The following CASKIN1 variants were observed in gnomAD, a reference collection of about 807,000 sequenced individuals.
CASKIN1 encodes CASK interacting protein 1, also known as caskin-1.
CASKIN1 carries 42 observed loss-of-function variants against 117.5 expected under a neutral mutation model. That is an observed-to-expected ratio of 0.36 (90% CI 0.28 to 0.46). The LOEUF (loss-of-function observed/expected upper bound fraction) is 0.46, where lower values mean the gene tolerates loss of function less well. CASKIN1 is among the 20% of genes least tolerant of loss of function. The pLI is 1.00. For missense variants in CASKIN1, 2,083 were observed against 2,077.3 expected (o/e 1.00, Z -0.05); for synonymous variants, 1,148 against 961.7 (o/e 1.19, Z -3.59).
In CASKIN1 at chr16:2,190,950, G is replaced by GGCTGCCT. The variant is rs1158581271; in HGVS notation, c.95-599_95-593dup. Among the ~76,000 whole-genome samples, 4 of 152,184 alleles carry GGCTGCCT rather than the reference G, an allele frequency of 2.6e-5. No homozygotes were observed. In the East Asian group the frequency reaches 7.7e-4, roughly 29 times the overall value. Reference sequence around the variant, plus strand: ...CACCTCTGAGCAACCTCACGCGAACGGCTGCCTGCTCCCTGGCGACTCGGA... The same window carrying GGCTGCCT: ...CACCTCTGAGCAACCTCACGCGAACGGCTGCCTGCTGCCTGCTCCCTGGCGACTCGGA... On this transcript the variant is annotated intron_variant, in intron 1 of 19. Coordinates refer to ENST00000343516, the MANE Select transcript of CASKIN1 (RefSeq NM_020764.4).
chr16:2,184,183 AG>A (rs1365523518), intron 14 of CASKIN1, among the ~76,000 whole-genome samples: 2 of 105,224 alleles, frequency 1.9e-5, no homozygotes, highest in Admixed American at 8.6e-5. Context: ...CGGTGGGGGG[AG>A]GGGGGCGGGG....
rs370096215 is a variant in CASKIN1, at chr16:2,183,821, G to A, written c.1527+10C>T. The A allele has an allele frequency of 4.3e-6, 7 of 1,612,122 alleles. No individual in the cohort carries two copies. In the Admixed American group the frequency reaches 6.7e-5, roughly 15 times the overall value. ...ACGCAGCTGGCGCTGGCGGCGCATGGAAAGCTCACCTCGGGAGTCATGCGG... is the reference window on the plus strand; with the variant it reads ...ACGCAGCTGGCGCTGGCGGCGCATGAAAAGCTCACCTCGGGAGTCATGCGG... On this transcript the variant is annotated intron_variant, in intron 15 of 19. Transcript: ENST00000343516.
intron 1 of CASKIN1, among the ~76,000 whole-genome samples, chr16:2,195,978 G>C (rs1274894645): frequency 6.6e-6 from 1 of 151,926 alleles, no homozygotes; most frequent in Non-Finnish European, 1.5e-5. Flanking sequence ...GTGGGTGGGG[G>C]GGGCATCCGC....
intron 19 of CASKIN1, 91 bp downstream of exon 19, chr16:2,178,811 C>A: frequency 1.5e-6 from 2 of 1,321,598 alleles, no homozygotes; most frequent in Middle Eastern, 2.8e-4. Flanking sequence ...GAGCCCCGCC[C>A]ATCTCTGCCG....
chr16:2,180,422 C>G lies in CASKIN1; in HGVS notation c.2946G>C (p.Gln982His). 6.4e-7 allele frequency: 1 copy of G among 1,571,200 alleles called. No individual in the cohort carries two copies. The highest frequency in any genetic ancestry group is 1.1e-5 in the South Asian group (1 of 87,354). The part of the protein sequence containing the change: ...PEDGLLGVRA[Q>H]CRRASDLAGS... Reference sequence around the variant, plus strand: ...CGGCCAGGTCACTGGCCCGCCGGCACTGTGCCCGGACCCCCAGCAGGCCAT... The same window carrying G: ...CGGCCAGGTCACTGGCCCGCCGGCAGTGTGCCCGGACCCCCAGCAGGCCAT... Residue 982 changes from glutamine (Q) to histidine (H), a missense_variant, in exon 18 of 20, where the codon CAG becomes CAC. Gln to His is a conservative substitution (Grantham distance 24). This residue lies in a region of CASKIN1 where 1,818 missense variants were observed against 1,688.9 expected (regional missense o/e 1.08). Coordinates refer to ENST00000343516, the MANE Select transcript of CASKIN1 (RefSeq NM_020764.4).
intron 10 of CASKIN1, 141 bp downstream of exon 10, chr16:2,186,566 A>G: frequency 1.5e-6 from 1 of 664,486 alleles, no homozygotes; most frequent in East Asian, 2.7e-5. Flanking sequence ...CCGCTGGGGC[A>G]CCCTGATGCT....
chr16:2,178,959 G>A lies in CASKIN1; in HGVS notation c.4142C>T (p.Ala1381Val), dbSNP rs2093156116. ...CTCCTCCACCGCCTGCAGCGCCGCGGCCAGGCACGCGCTTGTCTCCTCCAG... is the reference window on the plus strand; with the variant it reads ...CTCCTCCACCGCCTGCAGCGCCGCGACCAGGCACGCGCTTGTCTCCTCCAG... ...QKLEETSACL[A>V]AALQAVEEKI... Residue 1381 changes from alanine (A) to valine (V), a missense_variant, in exon 19 of 20, where the codon GCC (alanine) becomes GTC (valine). Physicochemically the swap from Ala to Val is moderately conservative, Grantham distance 64. Around this residue, in one of 3 missense-constraint regions of CASKIN1, gnomAD observed 1,818 missense variants for 1,688.9 expected, o/e 1.08. Coordinates refer to ENST00000343516, the MANE Select transcript of CASKIN1 (RefSeq NM_020764.4). The A allele has an allele frequency of 4.7e-6, 7 of 1,482,926 alleles. No individual in the cohort carries two copies. Among genetic ancestry groups the A allele is most frequent in the African/African-American group, 1.5e-5 (1 of 68,566 alleles). The allele number at this position is 1,482,926 out of a possible 1,614,324, so 91.9% of individuals were successfully genotyped here.
At position 2,196,512 on chromosome 16, in the gene CASKIN1, GGCCGCCTCCCCCGCCGCCTCCCCC is replaced by G. The variant is rs959705260; in HGVS notation, c.-104_-81del. ...GAGGCGGCGGCGGCCCCGCGGCACC[GGCCGCCTCCCCCGCCGCCTCCCCC>G]GCCGCCTCCTCGCCGCCCGCCGCCC... On this transcript the variant is annotated 5_prime_UTR_variant, in exon 1 of 20. Coordinates refer to ENST00000343516, the MANE Select transcript of CASKIN1 (RefSeq NM_020764.4). The surrounding 1 kb of genome is among the most constrained non-coding windows in gnomAD (Gnocchi z 5.7). The G allele has an allele frequency of 1.2e-4, 71 of 611,878 alleles. No individual in the cohort carries two copies. Among genetic ancestry groups the G allele is most frequent in the Middle Eastern group, 7.9e-4 (1 of 1,272 alleles). The allele number at this position is 611,878 out of a possible 1,614,324, so 37.9% of individuals were successfully genotyped here.
rs1170161481 is a variant in CASKIN1, at chr16:2,178,629, T to C, written c.4217A>G (p.Lys1406Arg). ...GTCGTCCAGGATGCTGCCAGTGCTCTTTTCCGCCGCCGAGTCGCTGCGGGG... is the reference window on the plus strand; with the variant it reads ...GTCGTCCAGGATGCTGCCAGTGCTCCTTTCCGCCGCCGAGTCGCTGCGGGG... ...AQGPRDSAAE[K>R]STGSILDDIG... Residue 1406 changes from lysine to arginine, a missense_variant, in exon 20 of 20, where the codon AAG becomes AGG. Lys to Arg is a conservative substitution (Grantham distance 26). Coordinates refer to ENST00000343516, the MANE Select transcript of CASKIN1 (RefSeq NM_020764.4). The C allele has an allele frequency of 1.9e-6, 3 of 1,593,582 alleles. No individual in the cohort carries two copies. Among genetic ancestry groups the C allele is most frequent in the Non-Finnish European group, 2.6e-6 (3 of 1,175,134 alleles).
rs181378400 is a variant in CASKIN1 at position 2,180,804 on chromosome 16, G to A, written c.2564C>T (p.Pro855Leu). The A allele has an allele frequency of 1.3e-3, 1,756 of 1,399,496 alleles. 24 individuals carry two copies. The African/African-American group carries it at 0.024, about 19-fold the overall frequency. 86.7% of individuals were successfully genotyped at this position (1,399,496 alleles called of 1,614,324 possible). Residue 855 changes from proline to leucine, a missense_variant, in exon 18 of 20, where the codon CCC (proline) becomes CTC (leucine). Pro to Leu is a moderately conservative substitution (Grantham distance 98). Coordinates refer to ENST00000343516, the MANE Select transcript of CASKIN1 (RefSeq NM_020764.4). ...CAGTGTGGGCACAGCCGTCGGCACG[G>A]GTGGGGGCGCAGGCCCCGGGGCAGC... is the stretch of plus-strand genomic sequence containing the variant. ...GPAAPGPAPP[P>L]VPTAVPTLCL...
chr16:2,190,872 T>G (rs1051593558), intron 1 of CASKIN1, among the ~76,000 whole-genome samples: 1 of 152,214 alleles, frequency 6.6e-6, no homozygotes, highest in African/African-American at 2.4e-5. Flanking sequence ...CTGCCAGCCC[T>G]GGGCCACAGC....
chr16:2,181,561 C>T lies in CASKIN1; in HGVS notation c.1807G>A (p.Ala603Thr). 1 of 1,582,870 alleles carries T rather than the reference C, an allele frequency of 6.3e-7. No homozygotes were observed. The highest frequency in any genetic ancestry group is 8.6e-7 in the Non-Finnish European group (1 of 1,166,396). The change falls in exon 18 of 20, where the codon GCA becomes ACA. Residue 603 changes from alanine (A) to threonine (T), a missense_variant. Ala to Thr is a moderately conservative substitution (Grantham distance 58). Around this residue, in one of 3 missense-constraint regions of CASKIN1, gnomAD observed 1,818 missense variants for 1,688.9 expected, o/e 1.08. Coordinates refer to ENST00000343516, the MANE Select transcript of CASKIN1 (RefSeq NM_020764.4). ...KKLMLAVRKL[A>T]ELQKAEYAKY... is the part of the protein sequence containing the mutation. ...GCGTATTCAGCCTTCTGCAGCTCTG[C>T]CAGCTTCCTCACAGCGAGCATCAGC...
At chr16:2,184,190 C>T (rs1438895400) in intron 14 of CASKIN1, among the ~76,000 whole-genome samples, 21 of 147,682 alleles carry the variant, frequency 1.4e-4, no homozygotes, top group African/African-American at 4.2e-4. Flanking sequence ...GGGAGGGGGG[C>T]GGGGGGGCTG....
chr16:2,190,039 C>A, intron 3 of CASKIN1, 34 bp downstream of exon 3: 1 of 1,579,012 alleles, frequency 6.3e-7, no homozygotes. Flanking sequence ...TGCCCCCGCC[C>A]CTGCCCCCAC....
Position 2,185,145 on chromosome 16 carries a change from C to A in CASKIN1, c.1205G>T (p.Gly402Val). The A allele has an allele frequency of 6.2e-7, 1 of 1,608,730 alleles. No homozygotes were observed. The highest frequency in any genetic ancestry group is 8.5e-7 in the Non-Finnish European group (1 of 1,179,634). The change falls in exon 12 of 20, where the codon GGT (glycine) becomes GTT (valine). Residue 402 changes from glycine to valine, a missense_variant. This residue lies in a region of CASKIN1 where 1,818 missense variants were observed against 1,688.9 expected (regional missense o/e 1.08). Transcript: ENST00000343516. ...TTCAGAGCCCGCGTGTAGGGCGTGA[C>A]CCCCGCTGCCCCGGCCGCCAGCCAT... ...SGMAGGRGSGGHALHAGSEGV... is the reference protein window; with the variant it reads ...SGMAGGRGSGVHALHAGSEGV...
Position 2,179,529 on chromosome 16 carries a change from G to C in CASKIN1, c.3775+64C>G. ...AACCCAAGAAAAGGAAAACCCCTCAGACCACCGAGTAAGGAGGTGGAGCAG... is the reference window on the plus strand; with the variant it reads ...AACCCAAGAAAAGGAAAACCCCTCACACCACCGAGTAAGGAGGTGGAGCAG... On this transcript the variant is annotated intron_variant, in intron 18 of 19. Transcript: ENST00000343516. The surrounding 1 kb of genome is among the most constrained non-coding windows in gnomAD (Gnocchi z 5.8). The C allele has an allele frequency of 7.1e-7, 1 of 1,401,056 alleles. No individual in the cohort carries two copies. Among genetic ancestry groups the C allele is most frequent in the Non-Finnish European group, 9.3e-7 (1 of 1,077,066 alleles). The allele number at this position is 1,401,056 out of a possible 1,614,324, so 86.8% of individuals were successfully genotyped here. A position where few individuals can be genotyped will look rare whatever the true frequency, so the allele number is the denominator to read the frequency against.
At position 2,178,010 on chromosome 16, in the gene CASKIN1, T is replaced by A. The variant is rs552006424; in HGVS notation, c.*540A>T. ...TGTCCTTTCAGTTGGTAAATGGTTT[T>A]CTATAGAATCAATAATATTTCTTTC... On this transcript the variant is annotated 3_prime_UTR_variant, in exon 20 of 20. Coordinates refer to ENST00000343516, the MANE Select transcript of CASKIN1 (RefSeq NM_020764.4). 2.4e-6 allele frequency: 1 copy of A among 413,358 alleles called. No homozygotes were observed. The highest frequency in any genetic ancestry group is 2.1e-5 in the African/African-American group (1 of 47,378). 25.6% of individuals were successfully genotyped at this position (413,358 alleles called of 1,614,324 possible).
At chr16:2,178,807 C>T (rs987400847) in intron 19 of CASKIN1, 95 bp downstream of exon 19, 4 of 1,279,008 alleles carry the variant, frequency 3.1e-6, no homozygotes, top group Non-Finnish European at 4.0e-6. Flanking sequence ...TGCCGAGCCC[C>T]GCCCATCTCT....
chr16:2,194,161 G>A (rs1356198430), intron 1 of CASKIN1, among the ~76,000 whole-genome samples: 1 of 152,208 alleles, frequency 6.6e-6, no homozygotes, highest in East Asian at 1.9e-4. Flanking sequence ...GAAGGTGAGA[G>A]GGGGATGGGG....
Sources: gnomAD v4.1 joint callset for allele counts (sites outside exome capture counted in the v4.1 genomes callset) on GRCh38, gnomAD v4.1.1 for gene constraint, gnomAD v4.1.1 regional missense constraint, Gnocchi (gnomAD v3.1) non-coding constraint, MANE v1.5 for transcripts, NCBI Gene and HGNC (gene_info 2026-07-23, HGNC 2026-07-21) for gene names.